ETNK1: variants seen among roughly 807,000 people sequenced by gnomAD.
ETNK1 encodes the protein ethanolamine kinase 1.
A neutral mutation model predicts 45.1 loss-of-function variants in ETNK1; 8 were observed. The observed-to-expected ratio is 0.18, with a 90% CI of 0.10 to 0.32. The LOEUF is 0.32. Among genes scored for constraint, ETNK1 ranks in the 10% least tolerant of loss-of-function variants. The pLI, the probability that ETNK1 is intolerant of heterozygous loss-of-function variation, is 1.00. For synonymous variants in ETNK1, 152 were observed against 151.9 expected (o/e 1.00, Z -0.01); for missense variants, 302 against 430.6 (o/e 0.70, Z 2.64).
At chr12:22,635,586 A>G (rs986315547) in intron 1 of ETNK1, among the ~76,000 whole-genome samples, 1 of 152,208 alleles carries the variant, frequency 6.6e-6, no homozygotes, top group East Asian at 1.9e-4. Context: ...TGTGTTTATT[A>G]TCATTCAGTT....
chr12:22,648,819 G>T (rs1953839205), intron 2 of ETNK1, among the ~76,000 whole-genome samples: 1 of 152,016 alleles, frequency 6.6e-6, no homozygotes, highest in African/African-American at 2.4e-5. Context: ...GAATGGCTGT[G>T]CTATTTTACA....
chr12:22,626,796 C>G (rs912021292), intron 1 of ETNK1, among the ~76,000 whole-genome samples: 1 of 151,744 alleles, frequency 6.6e-6, no homozygotes, highest in Non-Finnish European at 1.5e-5. Context: ...ATTTGTTAGC[C>G]GAGAATATAG....
intron 6 of ETNK1, among the ~76,000 whole-genome samples, chr12:22,676,852 A>G (rs1954167437): frequency 7.5e-6 from 1 of 133,906 alleles, no homozygotes; most frequent in Admixed American, 7.3e-5. Context: ...CTACGTTTTG[A>G]TGGGTTTTTT....
intron 4 of ETNK1, among the ~76,000 whole-genome samples, chr12:22,663,268 A>G (rs745428467): frequency 6.6e-6 from 1 of 152,216 alleles, no homozygotes; most frequent in Non-Finnish European, 1.5e-5. Flanking sequence ...AATTCAGTGC[A>G]GGACCTAATA....
chr12:22,640,046 C>T (rs537435153), intron 1 of ETNK1, among the ~76,000 whole-genome samples: 1 of 152,198 alleles, frequency 6.6e-6, no homozygotes, highest in South Asian at 2.1e-4. Context: ...GTGATAACTT[C>T]ATCAATATTA....
intron 4 of ETNK1, among the ~76,000 whole-genome samples, chr12:22,669,998 TAAA>T (rs1211901799): frequency 3.3e-5 from 5 of 152,070 alleles, no homozygotes; most frequent in Non-Finnish European, 7.4e-5. Context: ...AATTATATAT[TAAA>T]TACAATTATA....
At chr12:22,681,737 T>A (rs1421660580) in intron 6 of ETNK1, among the ~76,000 whole-genome samples, 2 of 152,100 alleles carry the variant, frequency 1.3e-5, no homozygotes, top group Non-Finnish European at 2.9e-5. Flanking sequence ...GGCATTATTT[T>A]ACACTTCTGC....
chr12:22,668,379 A>AT (rs2137565447), intron 4 of ETNK1, among the ~76,000 whole-genome samples: 1 of 152,292 alleles, frequency 6.6e-6, no homozygotes, highest in African/African-American at 2.4e-5. Context: ...TTAGGAAAGC[A>AT]TTTTCCAGTA....
At chr12:22,646,018 C>T (rs1254386153) in intron 2 of ETNK1, among the ~76,000 whole-genome samples, 1 of 151,758 alleles carries the variant, frequency 6.6e-6, no homozygotes, top group Admixed American at 6.6e-5. Context: ...AATTGCCCCA[C>T]AGTTTTGCAG....
chr12:22,685,025 C>A lies in ETNK1; in HGVS notation c.*71C>A. ...TCTTTTCTTAAGAAATCCCAAAAAG[C>A]CAATATTAGTTAAAATTCTGTTGTT... On this transcript the variant is annotated 3_prime_UTR_variant, in exon 8 of 8. Coordinates refer to ENST00000266517, the MANE Select transcript of ETNK1 (RefSeq NM_018638.5). 3 of 1,086,296 alleles carry A rather than the reference C, an allele frequency of 2.8e-6. No individual in the cohort carries two copies. The highest frequency in any genetic ancestry group is 1.5e-5 in the South Asian group (1 of 66,692). The allele number at this position is 1,086,296 out of a possible 1,614,324, so 67.3% of individuals were successfully genotyped here.
intron 1 of ETNK1, among the ~76,000 whole-genome samples, chr12:22,630,456 C>T (rs1261588095): frequency 2.0e-5 from 3 of 152,052 alleles, no homozygotes; most frequent in Non-Finnish European, 4.4e-5. Flanking sequence ...CTGAGCTAAG[C>T]TTTGAAGGGT....
chr12:22,628,811 T>A (rs79451643), intron 1 of ETNK1, among the ~76,000 whole-genome samples: 2,341 of 152,218 alleles, frequency 0.015, 64 homozygotes, highest in African/African-American at 0.054. Context: ...TAGGAATTAA[T>A]ACCGTAATTA....
At chr12:22,675,107 A>T (rs1020958403) in intron 6 of ETNK1, among the ~76,000 whole-genome samples, 2 of 152,296 alleles carry the variant, frequency 1.3e-5, no homozygotes, top group South Asian at 4.1e-4. Context: ...TTGCTTTGTC[A>T]TCCAGGCCTG....
intron 6 of ETNK1, among the ~76,000 whole-genome samples, chr12:22,675,117 G>A (rs1293721904): frequency 6.6e-6 from 1 of 152,134 alleles, no homozygotes; most frequent in Non-Finnish European, 1.5e-5. Flanking sequence ...ATCCAGGCCT[G>A]GAGTATAGTG....
intron 6 of ETNK1, chr12:22,682,391 G>C (rs1305988186): frequency 5.8e-6 from 2 of 342,856 alleles, no homozygotes; most frequent in Admixed American, 3.4e-5. Context: ...ACTCAAGTCT[G>C]ATAACTCTAG....
chr12:22,689,819 G>T lies in ETNK1; in HGVS notation c.*4865G>T, dbSNP rs1954288889. On this transcript the variant is annotated 3_prime_UTR_variant, in exon 8 of 8. Coordinates refer to ENST00000266517, the MANE Select transcript of ETNK1 (RefSeq NM_018638.5). The stretch of plus-strand genomic sequence containing the variant: ...TAGTGACACACTGAAATTCTTATTT[G>T]TCCAATAATCTGAAGTAGTTTCCTA... The T allele has an allele frequency of 6.6e-6, 1 of 151,944 alleles. No individual in the cohort carries two copies. 9.4% of individuals were successfully genotyped at this position (151,944 alleles called of 1,614,324 possible). A position where few individuals can be genotyped will look rare whatever the true frequency, so the allele number is the denominator to read the frequency against.
chr12:22,679,846 C>A (rs1954197202), intron 6 of ETNK1, among the ~76,000 whole-genome samples: 1 of 152,026 alleles, frequency 6.6e-6, no homozygotes, highest in Non-Finnish European at 1.5e-5. Context: ...CGTTTGCCGC[C>A]ACACCCAGCT....
chr12:22,662,312 T>C (rs1400023828), intron 4 of ETNK1, among the ~76,000 whole-genome samples: 1 of 141,508 alleles, frequency 7.1e-6, no homozygotes, highest in Non-Finnish European at 1.5e-5. Context: ...GGTCTCGAAC[T>C]CCTGACCCCA....
intron 1 of ETNK1, among the ~76,000 whole-genome samples, chr12:22,642,897 A>G (rs1953756949): frequency 6.6e-6 from 1 of 152,032 alleles, no homozygotes. Flanking sequence ...ACAATTTTTA[A>G]TAGACTTTTA....
Sources: gnomAD v4.1 joint callset for allele counts (sites outside exome capture counted in the v4.1 genomes callset) on GRCh38, gnomAD v4.1.1 for gene constraint, MANE v1.5 for transcripts, NCBI Gene and HGNC (gene_info 2026-07-23, HGNC 2026-07-21) for gene names.